Variants in TMEM41A observed in about 807,000 individuals in gnomAD.
TMEM41A encodes transmembrane protein 41A.
Under a neutral mutation model 25.7 loss-of-function variants are expected in TMEM41A, and 20 were observed. That is an observed-to-expected ratio of 0.78 (90% CI 0.55 to 1.13). The LOEUF (loss-of-function observed/expected upper bound fraction) is 1.13. TMEM41A is among the 50% of genes most tolerant of loss of function. The probability of loss-of-function intolerance (pLI) is 0.00; values close to 1 mark genes in which losing one functional copy is unlikely to be tolerated. For synonymous variants in TMEM41A, 133 were observed against 139.6 expected, an observed-to-expected ratio of 0.95 and a Z score of 0.33; for missense variants, 299 against 314.3, an observed-to-expected ratio of 0.95 and a Z score of 0.37.
In TMEM41A at chr3:185,489,945, G is replaced by T. The variant is rs1005795069; in HGVS notation, c.*1592C>A. On this transcript the variant is annotated 3_prime_UTR_variant, in exon 5 of 5. Coordinates refer to ENST00000421852, the MANE Select transcript of TMEM41A (RefSeq NM_080652.4). ...CACCTGGGGATGCACTCTTCCTATG[G>T]AACGTGAGTAATTCCCAAGAATTCA... is the stretch of plus-strand genomic sequence containing the variant. 6.6e-6 allele frequency: 1 copy of T among 152,158 alleles called. No individual in the cohort carries two copies. Among genetic ancestry groups the T allele is most frequent in the Non-Finnish European group, 1.5e-5 (1 of 68,038 alleles). 9.4% of individuals were successfully genotyped at this position (152,158 alleles called of 1,614,324 possible). A position where few individuals can be genotyped will look rare whatever the true frequency, so the allele number is the denominator to read the frequency against.
intron 2 of TMEM41A, chr3:185,496,469 A>T: frequency 2.9e-6 from 1 of 342,002 alleles, no homozygotes; most frequent in Non-Finnish European, 5.8e-6. Context: ...AGACAGACAC[A>T]GGGCAGCCTC....
chr3:185,498,674 C>G (rs887582800), intron 1 of TMEM41A, 169 bp downstream of exon 1: 2 of 599,402 alleles, frequency 3.3e-6, no homozygotes, highest in African/African-American at 1.9e-5. Context: ...TGTCCGAGAC[C>G]GTGCGGACGC....
chr3:185,495,062 C>T, intron 3 of TMEM41A, 92 bp downstream of exon 3: 9 of 1,463,280 alleles, frequency 6.2e-6, no homozygotes, highest in Non-Finnish European at 7.5e-6. Flanking sequence ...TGGAAGAGTA[C>T]TGTGGGAAAT....
At chr3:185,494,919 G>A (rs1719057604) in intron 3 of TMEM41A, 158 bp from the exon 4 acceptor site, 3 of 1,031,298 alleles carry the variant, frequency 2.9e-6, no homozygotes, top group Admixed American at 5.5e-5. Context: ...TTTTAAAATA[G>A]ACATGCTGAG....
chr3:185,491,793 C>A, intron 4 of TMEM41A, 36 bp from the exon 5 acceptor site: 1 of 1,497,712 alleles, frequency 6.7e-7, no homozygotes, highest in Non-Finnish European at 9.1e-7. Context: ...CTGTTACAAG[C>A]AGCAGCAAAA....
chr3:185,493,786 C>G (rs1719023856), intron 4 of TMEM41A: 1 of 152,152 alleles, frequency 6.6e-6, no homozygotes, highest in Non-Finnish European at 1.5e-5. Context: ...AGTGATCCAC[C>G]CGCCTCAACC....
rs937960598 is a variant in TMEM41A at position 185,489,952 on chromosome 3, A to T, written c.*1585T>A. The T allele has an allele frequency of 3.3e-5, 5 of 152,244 alleles. No individual in the cohort carries two copies. The highest frequency in any genetic ancestry group is 7.2e-5 in the African/African-American group (3 of 41,452). 9.4% of individuals were successfully genotyped at this position (152,244 alleles called of 1,614,324 possible). ...GGATGCACTCTTCCTATGGAACGTGAGTAATTCCCAAGAATTCATGTAGAA... is the reference window on the plus strand; with the variant it reads ...GGATGCACTCTTCCTATGGAACGTGTGTAATTCCCAAGAATTCATGTAGAA... On this transcript the variant is annotated 3_prime_UTR_variant, in exon 5 of 5. Coordinates refer to ENST00000421852, the MANE Select transcript of TMEM41A (RefSeq NM_080652.4).
intron 1 of TMEM41A, among the ~76,000 whole-genome samples, chr3:185,497,918 G>C (rs777378757): frequency 2.0e-5 from 3 of 152,126 alleles, no homozygotes; most frequent in Non-Finnish European, 4.4e-5. Context: ...AAACCGGCCA[G>C]GTAAGTATTG....
rs1393111271 is a variant in TMEM41A at position 185,491,679 on chromosome 3, G to A, written c.653C>T (p.Ser218Phe). 6.2e-7 allele frequency: 1 copy of A among 1,614,206 alleles called. No individual in the cohort carries two copies. The highest frequency in any genetic ancestry group is 8.5e-7 in the Non-Finnish European group (1 of 1,180,044). ...STLTSLDALF[S>F]WDTVFKLLAI... ...CAACAGCTTAAAGACAGTGTCCCAG[G>A]AGAAAAGAGCATCCAGAGAGGTTAG... Residue 218 changes from serine (S) to phenylalanine (F), a missense_variant, in exon 5 of 5, where the codon TCC (serine) becomes TTC (phenylalanine). Transcript: ENST00000421852.
intron 1 of TMEM41A, among the ~76,000 whole-genome samples, chr3:185,497,531 A>G (rs1719138994): frequency 6.6e-6 from 1 of 152,250 alleles, no homozygotes. Flanking sequence ...CATAGGATAA[A>G]TGTAACTTTT....
chr3:185,495,059 G>T, intron 3 of TMEM41A, 95 bp downstream of exon 3: 1 of 1,444,386 alleles, frequency 6.9e-7, no homozygotes, highest in Non-Finnish European at 9.5e-7. Flanking sequence ...GCGTGGAAGA[G>T]TACTGTGGGA....
At position 185,494,338 on chromosome 3, in the gene TMEM41A, A is replaced by G. The variant is rs1330629423; in HGVS notation, c.574+285T>C. ...TTTACTGAGTACTTACTATGGGCCA[A>G]TTTGTATACTTTACACAGACCATCT... On this transcript the variant is annotated intron_variant, in intron 4 of 4. Transcript: ENST00000421852. The G allele has an allele frequency of 3.6e-5, 11 of 302,312 alleles. No individual in the cohort carries two copies. The Admixed American group carries it at 4.6e-4, about 13-fold the overall frequency. The allele number at this position is 302,312 out of a possible 1,614,324, so 18.7% of individuals were successfully genotyped here.
chr3:185,495,063 T>C (rs1284139217), intron 3 of TMEM41A, 91 bp downstream of exon 3: 11 of 1,469,970 alleles, frequency 7.5e-6, no homozygotes, highest in Non-Finnish European at 1.0e-5. Flanking sequence ...GGAAGAGTAC[T>C]GTGGGAAATC....
chr3:185,495,104 C>T (rs757902987), intron 3 of TMEM41A, 50 bp downstream of exon 3: 19 of 1,599,984 alleles, frequency 1.2e-5, no homozygotes, highest in Non-Finnish European at 1.4e-5. Context: ...AGGCCATGCA[C>T]GTAGCGACTG....
In TMEM41A at chr3:185,498,958, G is replaced by T. The variant is rs763266515; in HGVS notation, c.4C>A (p.Arg2Ser). 7 of 1,597,374 alleles carry T rather than the reference G, an allele frequency of 4.4e-6. No individual in the cohort carries two copies. The highest frequency in any genetic ancestry group is 6.0e-6 in the Non-Finnish European group (7 of 1,173,094). M[R>S]PLLGLLLVFA... ...ACCAGAAGGAGGCCGAGAAGCGGGC[G>T]CATGTCGGCTCCGCACCCCGGCCCG... The change falls in exon 1 of 5, where the codon CGC becomes AGC. Residue 2 changes from arginine (R) to serine (S), a missense_variant. Arg to Ser is a moderately radical substitution (Grantham distance 110). Coordinates refer to ENST00000421852, the MANE Select transcript of TMEM41A (RefSeq NM_080652.4).
At position 185,495,218 on chromosome 3, in the gene TMEM41A, C is replaced by T; in HGVS notation, c.371G>A (p.Ser124Asn). 1 of 1,613,934 alleles carries T rather than the reference C, an allele frequency of 6.2e-7. No homozygotes were observed. The highest frequency in any genetic ancestry group is 8.5e-7 in the Non-Finnish European group (1 of 1,180,012). ...CACCACCAACTGTTTGCCAAAAATA[C>T]TGGAGAGCAGGTAGCAGCATGTGGC... Reference protein sequence around the residue: ...VGATCCYLLSSIFGKQLVVSY... With the variant: ...VGATCCYLLSNIFGKQLVVSY... The change falls in exon 3 of 5, where the codon AGT becomes AAT. Residue 124 changes from serine to asparagine, a missense_variant. Physicochemically the swap from Ser to Asn is conservative, Grantham distance 46. Transcript: ENST00000421852.
At chr3:185,495,339 G>A (rs1719073288) in intron 2 of TMEM41A, 24 bp from the exon 3 acceptor site, 1 of 1,606,426 alleles carries the variant, frequency 6.2e-7, no homozygotes, top group Non-Finnish European at 8.5e-7. Flanking sequence ...AAACCCTCAG[G>A]CATGTGAACA....
At chr3:185,493,495 G>A (rs933939941) in intron 4 of TMEM41A, 1 of 152,102 alleles carries the variant, frequency 6.6e-6, no homozygotes, top group African/African-American at 2.4e-5. Context: ...TTAGCTTAGG[G>A]ATTAAAATCT....
intron 3 of TMEM41A, 114 bp downstream of exon 3, chr3:185,495,040 C>A: frequency 7.5e-7 from 1 of 1,329,164 alleles, no homozygotes; most frequent in South Asian, 1.3e-5. Flanking sequence ...CCTAGGACCT[C>A]CTGAAACAGC....
Sources: allele counts gnomAD v4.1 joint callset (sites outside exome capture counted in the v4.1 genomes callset), GRCh38; gene constraint gnomAD v4.1.1; transcripts MANE v1.5; gene names NCBI Gene and HGNC (gene_info 2026-07-23, HGNC 2026-07-21).